PDXDC1: variants seen among roughly 807,000 people sequenced by gnomAD.
PDXDC1 encodes the protein pyridoxal dependent decarboxylase domain containing 1.
Under a neutral mutation model 100.1 loss-of-function variants are expected in PDXDC1, and 42 were observed. That is an observed-to-expected ratio of 0.42 (90% confidence interval 0.33 to 0.54). The LOEUF (loss-of-function observed/expected upper bound fraction) is 0.54. Among genes scored for constraint, PDXDC1 ranks in the 20% least tolerant of loss-of-function variants. The pLI is 0.10. For missense variants in PDXDC1, 636 were observed against 979.2 expected, an observed-to-expected ratio of 0.65 and a Z score of 4.68; for synonymous variants, 260 against 371.7, an observed-to-expected ratio of 0.70 and a Z score of 3.46.
At chr16:15,132,662 G>A (rs1414896848) in intron 16 of PDXDC1, 7 of 719,446 alleles carry the variant, frequency 9.7e-6, no homozygotes, top group Middle Eastern at 3.7e-4. Context: ...GCCCTGGGGG[G>A]CTGAACCCAG....
intron 14 of PDXDC1, 126 bp from the exon 15 acceptor site, chr16:15,028,752 A>G: frequency 1.2e-6 from 1 of 817,672 alleles, no homozygotes; most frequent in Non-Finnish European, 1.9e-6. Context: ...AATACATGAG[A>G]ATTCAGTAAT....
At chr16:15,090,856 T>C (rs1346895611) in intron 16 of PDXDC1, among the ~76,000 whole-genome samples, 1 of 150,214 alleles carries the variant, frequency 6.7e-6, no homozygotes, top group East Asian at 1.9e-4. Flanking sequence ...AACCTGGAAA[T>C]GCTGAATCAG....
intron 16 of PDXDC1, among the ~76,000 whole-genome samples, chr16:15,077,747 A>G (rs1406048531): frequency 6.6e-6 from 1 of 152,230 alleles, no homozygotes; most frequent in Non-Finnish European, 1.5e-5. Context: ...AGGCTGAGGC[A>G]GGAGAACTGC....
At chr16:15,078,319 G>A (rs1332582778) in intron 16 of PDXDC1, among the ~76,000 whole-genome samples, 1 of 151,948 alleles carries the variant, frequency 6.6e-6, no homozygotes, top group Non-Finnish European at 1.5e-5. Context: ...CCACAAACCT[G>A]CTCACGTCTC....
intron 1 of PDXDC1, among the ~76,000 whole-genome samples, chr16:14,990,568 A>C (rs1425363737): frequency 6.6e-6 from 1 of 152,264 alleles, no homozygotes; most frequent in Non-Finnish European, 1.5e-5. Flanking sequence ...TTATCCTGAA[A>C]CTGGATAATA....
intron 17 of PDXDC1, chr16:15,032,468 A>G (rs1201569994): frequency 1.1e-5 from 2 of 176,564 alleles, no homozygotes; most frequent in South Asian, 1.3e-4. Flanking sequence ...AGCCTGGACA[A>G]CATGGCGAAA....
In PDXDC1 at chr16:15,104,644, G is replaced by T. The variant is rs780286666; in HGVS notation, c.1400-34235G>T. 40 of 1,598,064 alleles carry T rather than the reference G, an allele frequency of 2.5e-5. No individual in the cohort carries two copies. The South Asian group carries it at 4.3e-4, about 17-fold the overall frequency. On this transcript the variant is annotated intron_variant, in intron 16 of 16. Coordinates refer to the PDXDC1 transcript ENST00000535621. Reference sequence around the variant, plus strand: ...AGGGAGTTATCAGTTATAGAATGTTGTTGAGTTGGAGGAGGTGGCTGGTGG... The same window carrying T: ...AGGGAGTTATCAGTTATAGAATGTTTTTGAGTTGGAGGAGGTGGCTGGTGG...
intron 1 of PDXDC1, among the ~76,000 whole-genome samples, chr16:14,992,109 A>G (rs1215321323): frequency 6.6e-5 from 10 of 152,276 alleles, no homozygotes; most frequent in Non-Finnish European, 1.5e-5. Context: ...TAAAGGGTGT[A>G]AGGAATCATG....
intron 16 of PDXDC1, among the ~76,000 whole-genome samples, chr16:15,075,535 C>T (rs754314431): frequency 2.0e-5 from 3 of 150,304 alleles, no homozygotes; most frequent in Non-Finnish European, 4.4e-5. Context: ...CACACACTGC[C>T]ACACTCCAGC....
At chr16:15,045,663 T>G (rs2044028617) in intron 16 of PDXDC1, 1 of 152,308 alleles carries the variant, frequency 6.6e-6, no homozygotes, top group Admixed American at 6.5e-5. Context: ...GAAGCCCTCC[T>G]TAGGAGTCAC....
chr16:15,020,517 T>C (rs565624957), intron 12 of PDXDC1, among the ~76,000 whole-genome samples: 2 of 152,292 alleles, frequency 1.3e-5, no homozygotes, highest in African/African-American at 2.4e-5. Context: ...GGTGAAACCC[T>C]GTCTCTAATA....
At chr16:15,096,607 C>T (rs1230165931) in intron 16 of PDXDC1, among the ~76,000 whole-genome samples, 1 of 152,246 alleles carries the variant, frequency 6.6e-6, no homozygotes, top group Non-Finnish European at 1.5e-5. Flanking sequence ...ATGAGAATCT[C>T]TTCTTCACTT....
chr16:15,012,891 G>A (rs1179390447), intron 8 of PDXDC1, among the ~76,000 whole-genome samples: 1 of 152,174 alleles, frequency 6.6e-6, no homozygotes, highest in Non-Finnish European at 1.5e-5. Context: ...ATAATGTCAG[G>A]CCAGGCACAG....
Position 15,032,907 on chromosome 16 carries a change from G to A in PDXDC1, c.1618G>A (p.Glu540Lys), listed in dbSNP as rs141392697. 27 of 1,612,516 alleles carry A rather than the reference G, an allele frequency of 1.7e-5. No individual in the cohort carries two copies. Among genetic ancestry groups the A allele is most frequent in the Middle Eastern group, 1.7e-4 (1 of 6,056 alleles). The part of the protein sequence containing the change: ...DDKSSLKSDP[E>K]GENIHAGLLK... ...TAAGAGCAGTTTGAAATCAGATCCC[G>A]AAGGGGAAAACATCCATGCTGGACT... The change falls in exon 18 of 23, where the codon GAA becomes AAA. Residue 540 changes from glutamate (E) to lysine (K), a missense_variant. Around this residue, in one of 4 missense-constraint regions of PDXDC1, gnomAD observed 452 missense variants for 402.9 expected, o/e 1.12. Transcript: ENST00000396410.
At chr16:14,998,888 A>G (rs536149322) in intron 3 of PDXDC1, among the ~76,000 whole-genome samples, 1 of 152,352 alleles carries the variant, frequency 6.6e-6, no homozygotes, top group South Asian at 2.1e-4. Context: ...GGTTGGTGAT[A>G]TTGCTGCACC....
chr16:15,015,445 G>A (rs865971224), intron 8 of PDXDC1, among the ~76,000 whole-genome samples: 29 of 152,100 alleles, frequency 1.9e-4, no homozygotes, highest in Non-Finnish European at 3.1e-4. Flanking sequence ...TGCTGGGCAC[G>A]GTGGCTCATG....
intron 16 of PDXDC1, chr16:15,094,234 T>C (rs1256707585): frequency 7.0e-6 from 11 of 1,582,586 alleles, no homozygotes; most frequent in Admixed American, 1.8e-5. Context: ...GTGCCGCCAT[T>C]GGGCCGAACT....
intron 16 of PDXDC1, among the ~76,000 whole-genome samples, chr16:15,058,113 G>A (rs547185353): frequency 2.0e-5 from 3 of 151,884 alleles, no homozygotes; most frequent in Non-Finnish European, 4.4e-5. Context: ...AGTTCGAGAC[G>A]AGCCTGGACA....
intron 1 of PDXDC1, among the ~76,000 whole-genome samples, chr16:14,981,799 C>G (rs1415251697): frequency 3.3e-5 from 5 of 152,228 alleles, no homozygotes. Context: ...TGCCTCCTTT[C>G]CACTGTTGGG....
Sources: allele counts gnomAD v4.1 joint callset (sites outside exome capture counted in the v4.1 genomes callset), GRCh38; gene constraint gnomAD v4.1.1; regional missense constraint gnomAD v4.1.1; transcripts MANE v1.5; gene names NCBI Gene and HGNC (gene_info 2026-07-23, HGNC 2026-07-21).